The following COL15A1 variants were observed in gnomAD, a reference collection of about 807,000 sequenced individuals.
The protein encoded by COL15A1 is collagen type XV alpha 1 chain.
A neutral mutation model predicts 165.9 loss-of-function variants in COL15A1; 111 were observed. The observed-to-expected ratio is 0.67, with a 90% confidence interval of 0.57 to 0.78. COL15A1 has a LOEUF of 0.78. Among genes scored for constraint, COL15A1 ranks in the 30% least tolerant of loss-of-function variants. COL15A1 has a pLI of 0.00. For synonymous variants in COL15A1, 659 were observed against 674.8 expected (o/e 0.98, Z 0.36); for missense variants, 1,745 against 1,789.7 (o/e 0.98, Z 0.45).
chr9:99,047,485 G>T (rs1229047424), intron 26 of COL15A1, among the ~76,000 whole-genome samples: 1 of 152,226 alleles, frequency 6.6e-6, no homozygotes, highest in Non-Finnish European at 1.5e-5. Context: ...GAGGCCCTGA[G>T]CTACTGACCT....
In COL15A1 at chr9:99,026,084, C is replaced by T. The variant is rs1839119667; in HGVS notation, c.2043+118C>T. On this transcript the variant is annotated intron_variant, in intron 16 of 41. Coordinates refer to ENST00000375001, the MANE Select transcript of COL15A1 (RefSeq NM_001855.5). ...ACTGACCCCCTGGCCTCCTGAAATC[C>T]CCTGCTGGCCACTTCTGCTGGATGT... The T allele has an allele frequency of 4.4e-6, 4 of 902,916 alleles. No individual in the cohort carries two copies. The Admixed American group carries it at 1.2e-4, about 26-fold the overall frequency. 55.9% of individuals were successfully genotyped at this position (902,916 alleles called of 1,614,324 possible).
At chr9:99,017,576 C>G (rs73503740) in intron 11 of COL15A1, among the ~76,000 whole-genome samples, 3,954 of 152,234 alleles carry the variant, frequency 0.026, 157 homozygotes, top group African/African-American at 0.091. Flanking sequence ...TAAAACAATG[C>G]AGGTGTCTGA....
chr9:99,021,615 C>T (rs929803549), intron 12 of COL15A1, among the ~76,000 whole-genome samples: 5 of 152,178 alleles, frequency 3.3e-5, no homozygotes, highest in Non-Finnish European at 7.4e-5. Flanking sequence ...GTGCTGGGAC[C>T]TGGAGGTGAT....
intron 35 of COL15A1, 83 bp from the exon 36 acceptor site, chr9:99,059,806 C>A: frequency 6.7e-7 from 1 of 1,498,766 alleles, no homozygotes; most frequent in Non-Finnish European, 9.2e-7. Context: ...GTTGAACACA[C>A]TTCTCTCCGG....
At chr9:99,068,849 A>C (rs1290887697) in intron 41 of COL15A1, among the ~76,000 whole-genome samples, 179 bp downstream of exon 41, 2 of 152,206 alleles carry the variant, frequency 1.3e-5, no homozygotes, top group Non-Finnish European at 2.9e-5. Flanking sequence ...AGGTCCAGTA[A>C]CTCAATATGG....
chr9:99,005,780 G>A (rs148823814), intron 9 of COL15A1, among the ~76,000 whole-genome samples: 6 of 152,236 alleles, frequency 3.9e-5, no homozygotes, highest in Middle Eastern at 3.4e-3. Context: ...TGAGCCTGCC[G>A]TGTCCCCAGC....
intron 33 of COL15A1, 46 bp downstream of exon 33, chr9:99,055,197 G>T: frequency 1.3e-6 from 2 of 1,595,154 alleles, no homozygotes; most frequent in South Asian, 1.1e-5. Context: ...TTCAGGTTTT[G>T]GTTTATGTCA....
rs138183433 is a variant in COL15A1, at chr9:99,069,874, C to T, written c.4155C>T (p.Asp1385=). ...VLCIENSFMT[D]ARK ...GTATCGAAAACAGTTTCATGACAGACGCTAGGAAGTAATGGCCTTCTGATG... is the reference window on the plus strand; with the variant it reads ...GTATCGAAAACAGTTTCATGACAGATGCTAGGAAGTAATGGCCTTCTGATG... Residue 1385 remains aspartate (D), a synonymous_variant, in exon 42 of 42, where the codon GAC becomes GAT. Coordinates refer to ENST00000375001, the MANE Select transcript of COL15A1 (RefSeq NM_001855.5). 22 of 1,609,474 alleles carry T rather than the reference C, an allele frequency of 1.4e-5. No individual in the cohort carries two copies. The highest frequency in any genetic ancestry group is 6.7e-5 in the African/African-American group (5 of 74,852).
chr9:98,947,518 C>G (rs1028843045), intron 2 of COL15A1, among the ~76,000 whole-genome samples: 1 of 152,186 alleles, frequency 6.6e-6, no homozygotes, highest in Middle Eastern at 3.2e-3. Context: ...GGAATGTAAG[C>G]TATGCCTCAA....
chr9:99,026,406 C>T (rs189144136), intron 16 of COL15A1, among the ~76,000 whole-genome samples: 7 of 152,348 alleles, frequency 4.6e-5, no homozygotes, highest in African/African-American at 1.4e-4. Flanking sequence ...TCCACCCACC[C>T]TCCAGCCTCC....
intron 15 of COL15A1, among the ~76,000 whole-genome samples, chr9:99,025,536 G>A (rs1839109027): frequency 6.6e-6 from 1 of 152,226 alleles, no homozygotes; most frequent in South Asian, 2.1e-4. Flanking sequence ...TTTATCAGAT[G>A]TAGCCCCATT....
At chr9:99,045,137 TA>T in intron 26 of COL15A1, among the ~76,000 whole-genome samples, 1 of 152,230 alleles carries the variant, frequency 6.6e-6, no homozygotes, top group Non-Finnish European at 1.5e-5. Flanking sequence ...TTGTGAAAGA[TA>T]ATAAACATCA....
chr9:98,990,482 G>A (rs540145162), intron 5 of COL15A1, among the ~76,000 whole-genome samples: 1 of 152,356 alleles, frequency 6.6e-6, no homozygotes, highest in East Asian at 1.9e-4. Context: ...GTGCCCATCA[G>A]CCCTTGGCCA....
chr9:99,022,222 T>A, intron 13 of COL15A1, 72 bp downstream of exon 13: 1 of 1,598,574 alleles, frequency 6.3e-7, no homozygotes, highest in Non-Finnish European at 8.6e-7. Flanking sequence ...AGCCACAGGC[T>A]GAGGACTCTC....
intron 5 of COL15A1, among the ~76,000 whole-genome samples, chr9:98,995,176 G>A (rs1204189362): frequency 1.3e-5 from 2 of 152,144 alleles, no homozygotes; most frequent in Non-Finnish European, 2.9e-5. Context: ...GGAGAGGAGA[G>A]GAACCTCCTG....
At chr9:99,051,001 C>G (rs937757129) in intron 30 of COL15A1, among the ~76,000 whole-genome samples, 5 of 152,212 alleles carry the variant, frequency 3.3e-5, no homozygotes, top group African/African-American at 1.2e-4. Context: ...GAGACAACAG[C>G]AACCCAGTAT....
chr9:98,955,045 G>C (rs947348894), intron 2 of COL15A1, among the ~76,000 whole-genome samples: 2 of 152,228 alleles, frequency 1.3e-5, no homozygotes, highest in African/African-American at 4.8e-5. Flanking sequence ...CAGGCCTCCA[G>C]TACCTTGGAA....
Position 99,034,461 on chromosome 9 carries a change from T to C in COL15A1, c.2044-88T>C, listed in dbSNP as rs1192109065. The C allele has an allele frequency of 3.3e-6, 5 of 1,504,782 alleles. No individual in the cohort carries two copies. The East Asian group carries it at 6.9e-5, about 21-fold the overall frequency. The allele number at this position is 1,504,782 out of a possible 1,614,324, so 93.2% of individuals were successfully genotyped here. ...AGTCCTATTTTAATATCCTATTTCC[T>C]TGGAGTCCATAATTGTGCATTGTCT... On this transcript the variant is annotated intron_variant, in intron 16 of 41. Transcript: ENST00000375001.
At chr9:99,000,755 C>T in intron 6 of COL15A1, 84 bp from the exon 7 acceptor site, 3 of 754,910 alleles carry the variant, frequency 4.0e-6, no homozygotes, top group Admixed American at 2.3e-5. Context: ...AACATCTTTC[C>T]AAGTTAGCTG....
Sources: allele counts gnomAD v4.1 joint callset (sites outside exome capture counted in the v4.1 genomes callset), GRCh38; gene constraint gnomAD v4.1.1; transcripts MANE v1.5; gene names NCBI Gene and HGNC (gene_info 2026-07-23, HGNC 2026-07-21).